Variants in NUBPL observed in about 807,000 individuals in gnomAD.
The protein encoded by NUBPL is iron-sulfur cluster transfer protein NUBPL.
Under a neutral mutation model 45.7 loss-of-function variants are expected in NUBPL, and 31 were observed. The observed-to-expected ratio is 0.68, with a 90% confidence interval of 0.51 to 0.92. The LOEUF is 0.92. Ranked by LOEUF, NUBPL falls within the 40% of genes least tolerant of loss-of-function variation. The pLI is 0.00. For missense variants in NUBPL, 401 were observed against 398.7 expected (o/e 1.01, Z -0.05); for synonymous variants, 144 against 140.9 (o/e 1.02, Z -0.15).
At chr14:31,703,951 G>T (rs1237735177) in intron 6 of NUBPL, among the ~76,000 whole-genome samples, 1 of 152,166 alleles carries the variant, frequency 6.6e-6, no homozygotes, top group Non-Finnish European at 1.5e-5. Context: ...TATGATAATT[G>T]TCCAGCCACC....
chr14:31,753,932 A>G (rs1007299151), intron 6 of NUBPL, among the ~76,000 whole-genome samples: 1 of 152,188 alleles, frequency 6.6e-6, no homozygotes, highest in African/African-American at 2.4e-5. Context: ...GACCATATAT[A>G]CTTGAAAAAT....
At chr14:31,602,610 A>C (rs1308938383) in intron 4 of NUBPL, among the ~76,000 whole-genome samples, 1 of 152,094 alleles carries the variant, frequency 6.6e-6, no homozygotes, top group Non-Finnish European at 1.5e-5. Flanking sequence ...ACTTGAGTAA[A>C]TTGTTTTAAT....
At chr14:31,745,068 A>C (rs1050850672) in intron 6 of NUBPL, among the ~76,000 whole-genome samples, 1 of 151,122 alleles carries the variant, frequency 6.6e-6, no homozygotes, top group Non-Finnish European at 1.5e-5. Context: ...TTTTATTATT[A>C]TACTTTAAGT....
In NUBPL at chr14:31,581,460, C is replaced by T. The variant is rs114560401; in HGVS notation, c.291+16412C>T. Among the ~76,000 whole-genome samples the T allele has an allele frequency of 2.2e-3, 331 of 152,214 alleles. 3 individuals carry two copies. Among genetic ancestry groups the T allele is most frequent in the African/African-American group, 7.5e-3 (310 of 41,534 alleles). On this transcript the variant is annotated intron_variant, in intron 3 of 10. Transcript: ENST00000281081. The stretch of plus-strand genomic sequence containing the variant: ...TCTCATGAATTTGACTGTTCCAACT[C>T]GTATAAGTGGAGTCATATAATATTT...
chr14:31,657,697 T>G (rs2139760276), intron 4 of NUBPL, among the ~76,000 whole-genome samples: 1 of 152,336 alleles, frequency 6.6e-6, no homozygotes, highest in South Asian at 2.1e-4. Flanking sequence ...GTTATAGATA[T>G]CTTTTTCTTA....
At chr14:31,630,549 A>G (rs2035314991) in intron 4 of NUBPL, among the ~76,000 whole-genome samples, 1 of 152,112 alleles carries the variant, frequency 6.6e-6, no homozygotes, top group Non-Finnish European at 1.5e-5. Context: ...AAGTCCCTCC[A>G]TATACCTCTT....
At chr14:31,754,216 T>A (rs1039693529) in intron 6 of NUBPL, among the ~76,000 whole-genome samples, 1 of 152,206 alleles carries the variant, frequency 6.6e-6, no homozygotes, top group African/African-American at 2.4e-5. Context: ...ATAGAATTAT[T>A]GTATCATCAT....
intron 8 of NUBPL, among the ~76,000 whole-genome samples, chr14:31,834,848 C>G (rs2040256504): frequency 1.3e-5 from 2 of 152,142 alleles, no homozygotes. Context: ...GGCTCTGATC[C>G]AAGAAGTCAG....
At chr14:31,833,550 C>A (rs2040226563) in intron 8 of NUBPL, among the ~76,000 whole-genome samples, 1 of 152,118 alleles carries the variant, frequency 6.6e-6, no homozygotes, top group Admixed American at 6.6e-5. Flanking sequence ...AGGCTAATTG[C>A]TGTTACAAGT....
intron 7 of NUBPL, among the ~76,000 whole-genome samples, chr14:31,810,102 G>T (rs985629468): frequency 2.6e-5 from 4 of 152,152 alleles, no homozygotes; most frequent in Admixed American, 6.6e-5. Flanking sequence ...TGTTGATTTG[G>T]GGCGGAGAGT....
intron 4 of NUBPL, among the ~76,000 whole-genome samples, chr14:31,643,237 C>G (rs2035755369): frequency 1.3e-5 from 2 of 152,066 alleles, no homozygotes; most frequent in African/African-American, 4.8e-5. Flanking sequence ...TGTTCCAGAT[C>G]TTAGATGAAA....
At chr14:31,746,452 A>G (rs947510525) in intron 6 of NUBPL, among the ~76,000 whole-genome samples, 2 of 152,116 alleles carry the variant, frequency 1.3e-5, no homozygotes, top group East Asian at 3.9e-4. Flanking sequence ...ATGATCATAT[A>G]GTTTATGTTC....
At chr14:31,684,429 G>A (rs971112944) in intron 6 of NUBPL, among the ~76,000 whole-genome samples, 5 of 151,976 alleles carry the variant, frequency 3.3e-5, no homozygotes, top group African/African-American at 9.7e-5. Flanking sequence ...GTTTTGTATC[G>A]TTTTTGCAGT....
chr14:31,728,300 A>G (rs1025687349), intron 6 of NUBPL, among the ~76,000 whole-genome samples: 3 of 151,920 alleles, frequency 2.0e-5, no homozygotes, highest in Non-Finnish European at 4.4e-5. Context: ...GTGTTGTATT[A>G]TAAATTTATT....
intron 7 of NUBPL, among the ~76,000 whole-genome samples, chr14:31,815,987 T>G (rs1445670013): frequency 6.6e-6 from 1 of 152,216 alleles, no homozygotes; most frequent in East Asian, 1.9e-4. Flanking sequence ...GATATGGGCC[T>G]GAAATTTTCT....
At chr14:31,846,043 C>A (rs1165534761) in intron 8 of NUBPL, 1 of 244,916 alleles carries the variant, frequency 4.1e-6, no homozygotes, top group Non-Finnish European at 8.0e-6. Context: ...CCCAAACCAT[C>A]TTCTGCCTTG....
intron 4 of NUBPL, among the ~76,000 whole-genome samples, chr14:31,641,105 C>G (rs1424375531): frequency 1.3e-5 from 2 of 152,048 alleles, no homozygotes. Context: ...GTGTGCACCA[C>G]CACGCCCAGC....
At chr14:31,808,725 C>T (rs2039740978) in intron 7 of NUBPL, among the ~76,000 whole-genome samples, 1 of 152,240 alleles carries the variant, frequency 6.6e-6, no homozygotes, top group Admixed American at 6.5e-5. Flanking sequence ...CCAGTTTTTG[C>T]CCATTCAGTA....
chr14:31,742,273 C>CACACACACACAG (rs1282432102), intron 6 of NUBPL, among the ~76,000 whole-genome samples: 6 of 150,972 alleles, frequency 4.0e-5, no homozygotes, highest in African/African-American at 1.2e-4. Context: ...CACACACACA[C>CACACACACACAG]ACACACATCT....
Sources: allele counts gnomAD v4.1 joint callset (sites outside exome capture counted in the v4.1 genomes callset), GRCh38; gene constraint gnomAD v4.1.1; transcripts MANE v1.5; gene names NCBI Gene and HGNC (gene_info 2026-07-23, HGNC 2026-07-21).